ZNF385D: variants seen among roughly 807,000 people sequenced by gnomAD.
ZNF385D encodes the protein zinc finger protein 659.
Under a neutral mutation model 35.8 loss-of-function variants are expected in ZNF385D, and 15 were observed. The ratio of observed to expected loss-of-function variants is 0.42; its 90% CI spans 0.28 to 0.64. The LOEUF (loss-of-function observed/expected upper bound fraction) is 0.64. Among genes scored for constraint, ZNF385D ranks in the 30% least tolerant of loss-of-function variants. The pLI, the probability that ZNF385D is intolerant of heterozygous loss-of-function variation, is 0.23. For synonymous variants in ZNF385D, 212 were observed against 186.8 expected, an observed-to-expected ratio of 1.13 and a Z score of -1.10; for missense variants, 474 against 494.6, an observed-to-expected ratio of 0.96 and a Z score of 0.39.
chr3:22,043,690 A>G (rs1698814226), intron 3 of ZNF385D, among the ~76,000 whole-genome samples: 1 of 152,186 alleles, frequency 6.6e-6, no homozygotes, highest in South Asian at 2.1e-4. Context: ...AAGGGTCTTC[A>G]AGACCTTGTT....
At chr3:21,867,016 T>A (rs1243964084) in intron 3 of ZNF385D, among the ~76,000 whole-genome samples, 1 of 152,058 alleles carries the variant, frequency 6.6e-6, no homozygotes, top group South Asian at 2.1e-4. Flanking sequence ...TGGTCACTTA[T>A]AAAGAAAACT....
chr3:22,111,914 A>G (rs1185161697), intron 3 of ZNF385D, among the ~76,000 whole-genome samples: 1 of 152,130 alleles, frequency 6.6e-6, no homozygotes, highest in Middle Eastern at 3.2e-3. Flanking sequence ...AAGAAAATAC[A>G]TTCAGTTCCA....
chr3:21,940,385 G>T (rs979760424), intron 3 of ZNF385D, among the ~76,000 whole-genome samples: 4 of 152,122 alleles, frequency 2.6e-5, no homozygotes, highest in African/African-American at 9.7e-5. Context: ...ATGGGAAAAA[G>T]AATAACTACT....
At chr3:22,069,315 T>C (rs1700118434) in intron 3 of ZNF385D, among the ~76,000 whole-genome samples, 1 of 152,094 alleles carries the variant, frequency 6.6e-6, no homozygotes, top group African/African-American at 2.4e-5. Flanking sequence ...CTCTCACCAA[T>C]GACCAAACAA....
chr3:21,518,636 A>G (rs920790316), intron 3 of ZNF385D, among the ~76,000 whole-genome samples: 1 of 152,204 alleles, frequency 6.6e-6, no homozygotes, highest in Non-Finnish European at 1.5e-5. Context: ...AGTGTTAGCC[A>G]TGTCTAGTTT....
At chr3:21,560,698 A>G (rs999521862) in intron 3 of ZNF385D, among the ~76,000 whole-genome samples, 1 of 152,196 alleles carries the variant, frequency 6.6e-6, no homozygotes, top group Non-Finnish European at 1.5e-5. Flanking sequence ...TGCTCTCTTC[A>G]GAGTCATCAG....
intron 2 of ZNF385D, among the ~76,000 whole-genome samples, chr3:22,182,130 A>C (rs1350937892): frequency 6.6e-6 from 1 of 152,192 alleles, no homozygotes; most frequent in Non-Finnish European, 1.5e-5. Context: ...TTGTGAGCTA[A>C]TAAATGTGTG....
chr3:22,166,629 A>G (rs987048905), intron 3 of ZNF385D, among the ~76,000 whole-genome samples: 1 of 152,254 alleles, frequency 6.6e-6, no homozygotes, highest in Non-Finnish European at 1.5e-5. Context: ...AGCCTTTAAT[A>G]AAGTGCTAAC....
intron 3 of ZNF385D, among the ~76,000 whole-genome samples, chr3:21,993,660 A>G (rs925894702): frequency 6.6e-6 from 1 of 152,204 alleles, no homozygotes; most frequent in African/African-American, 2.4e-5. Flanking sequence ...TAAAAGAGCT[A>G]TATCATGAGA....
chr3:21,871,208 C>G (rs1274623173), intron 3 of ZNF385D, among the ~76,000 whole-genome samples: 1 of 152,100 alleles, frequency 6.6e-6, no homozygotes, highest in Admixed American at 6.6e-5. Context: ...ACAGTGCTCC[C>G]TCTACCTAGA....
At chr3:21,785,667 G>T (rs3111745) in intron 3 of ZNF385D, among the ~76,000 whole-genome samples, 60,557 of 151,924 alleles carry the variant, frequency 0.4, 12,654 homozygotes, top group Middle Eastern at 0.49. Context: ...TAACCATTTT[G>T]CTACATTGTT....
chr3:22,206,821 A>T (rs902321471), intron 2 of ZNF385D, among the ~76,000 whole-genome samples: 1 of 151,966 alleles, frequency 6.6e-6, no homozygotes, highest in Non-Finnish European at 1.5e-5. Context: ...AGAAAAGCAG[A>T]AAAACTTCAA....
chr3:22,138,403 C>T (rs1704289145), intron 3 of ZNF385D, among the ~76,000 whole-genome samples: 1 of 152,126 alleles, frequency 6.6e-6, no homozygotes, highest in African/African-American at 2.4e-5. Flanking sequence ...ATCACACTAC[C>T]TGACTTCAAA....
intron 3 of ZNF385D, among the ~76,000 whole-genome samples, chr3:21,552,437 T>G (rs368845400): frequency 6.6e-6 from 1 of 152,344 alleles, no homozygotes; most frequent in South Asian, 2.1e-4. Context: ...AAGACATTTC[T>G]TAAATTTCTA....
At chr3:21,632,483 C>T (rs2065310097) in intron 2 of ZNF385D, among the ~76,000 whole-genome samples, 1 of 152,090 alleles carries the variant, frequency 6.6e-6, no homozygotes, top group Admixed American at 6.6e-5. Context: ...ACTTACTTCT[C>T]ATGCTGATTT....
intron 2 of ZNF385D, among the ~76,000 whole-genome samples, chr3:22,178,164 A>T (rs1019101656): frequency 3.9e-5 from 6 of 152,204 alleles, no homozygotes; most frequent in South Asian, 4.1e-4. Context: ...CGCCACACCG[A>T]CTTCCACAAT....
chr3:22,162,079 C>T (rs922822424), intron 3 of ZNF385D, among the ~76,000 whole-genome samples: 2 of 152,206 alleles, frequency 1.3e-5, no homozygotes, highest in African/African-American at 4.8e-5. Flanking sequence ...GATGCTAGTT[C>T]CCTTCTCATT....
At chr3:21,611,958 A>C (rs9833125) in intron 2 of ZNF385D, among the ~76,000 whole-genome samples, 78,577 of 152,092 alleles carry the variant, frequency 0.52, 20,540 homozygotes, top group East Asian at 0.66. Flanking sequence ...TCTTTGATAA[A>C]AATGGATGCA....
chr3:22,215,136 T>C (rs1163433285), intron 2 of ZNF385D, among the ~76,000 whole-genome samples: 2 of 152,022 alleles, frequency 1.3e-5, no homozygotes, highest in Non-Finnish European at 2.9e-5. Flanking sequence ...TTTTGCCTGA[T>C]ATCTAGCTGA....
Sources: gnomAD v4.1 joint callset for allele counts (sites outside exome capture counted in the v4.1 genomes callset) on GRCh38, gnomAD v4.1.1 for gene constraint, MANE v1.5 for transcripts, NCBI Gene and HGNC (gene_info 2026-07-23, HGNC 2026-07-21) for gene names.